LPP: variants seen among roughly 807,000 people sequenced by gnomAD.
LPP encodes LIM domain containing preferred translocation partner in lipoma, also known as lipoma-preferred partner.
Under a neutral mutation model 60.4 loss-of-function variants are expected in LPP, and 38 were observed. The observed-to-expected ratio is 0.63, with a 90% CI of 0.49 to 0.83. The LOEUF is 0.83. Ranked by LOEUF, LPP falls within the 40% of genes least tolerant of loss-of-function variation. LPP has a pLI of 0.00. For missense variants in LPP, 902 were observed against 783.6 expected (o/e 1.15, Z -1.80); for synonymous variants, 328 against 290.8 (o/e 1.13, Z -1.30).
At chr3:188,790,107 C>T (rs1743209817) in intron 9 of LPP, among the ~76,000 whole-genome samples, 1 of 152,064 alleles carries the variant, frequency 6.6e-6, no homozygotes, top group Non-Finnish European at 1.5e-5. Flanking sequence ...TTTCAGAATA[C>T]ACATTGCAAC....
At chr3:188,602,621 G>A (rs6780491) in intron 6 of LPP, among the ~76,000 whole-genome samples, 43,464 of 151,258 alleles carry the variant, frequency 0.29, 6,650 homozygotes, top group Non-Finnish European at 0.33. Context: ...GGATTTTTGA[G>A]AGTCAGAGTA....
intron 2 of LPP, among the ~76,000 whole-genome samples, chr3:188,256,095 C>G (rs1370015341): frequency 1.3e-5 from 2 of 152,036 alleles, no homozygotes; most frequent in Non-Finnish European, 2.9e-5. Context: ...ACTCCACCAA[C>G]TAATTGAAAT....
At chr3:188,537,580 C>T (rs1448985929) in intron 6 of LPP, among the ~76,000 whole-genome samples, 1 of 151,982 alleles carries the variant, frequency 6.6e-6, no homozygotes, top group Non-Finnish European at 1.5e-5. Flanking sequence ...AAGTCTCTGT[C>T]GATTTGTTCA....
chr3:188,179,667 T>G, intron 1 of LPP: 1 of 364,668 alleles, frequency 2.7e-6, no homozygotes, highest in Non-Finnish European at 5.4e-6. Context: ...TCAGCAAGCC[T>G]CTCTGCAGTC....
chr3:188,159,067 G>A (rs866122834), intron 1 of LPP, among the ~76,000 whole-genome samples: 1 of 152,156 alleles, frequency 6.6e-6, no homozygotes. Context: ...AACAGAGCTC[G>A]CTTCCCCAGT....
chr3:188,485,026 G>T (rs548315160), intron 5 of LPP, among the ~76,000 whole-genome samples: 8 of 152,178 alleles, frequency 5.3e-5, no homozygotes, highest in African/African-American at 1.9e-4. Context: ...TATTTTGGAG[G>T]ACATACAGCC....
At chr3:188,294,172 G>A (rs1399588022) in intron 2 of LPP, among the ~76,000 whole-genome samples, 2 of 151,368 alleles carry the variant, frequency 1.3e-5, no homozygotes, top group African/African-American at 4.9e-5. Context: ...GCGATAGAAA[G>A]TAGTGGTTGC....
chr3:188,843,909 C>T (rs898208182), intron 9 of LPP, among the ~76,000 whole-genome samples: 8 of 151,880 alleles, frequency 5.3e-5, no homozygotes, highest in Non-Finnish European at 1.0e-4. Context: ...TATTTCTGGT[C>T]CTCTTCCTCT....
chr3:188,632,772 T>C (rs907408508), intron 7 of LPP, among the ~76,000 whole-genome samples: 1 of 152,174 alleles, frequency 6.6e-6, no homozygotes, highest in African/African-American at 2.4e-5. Flanking sequence ...TATTCTTCAG[T>C]TGTATTTGGT....
At chr3:188,397,039 C>T (rs535020078) in intron 3 of LPP, among the ~76,000 whole-genome samples, 39 of 152,326 alleles carry the variant, frequency 2.6e-4, no homozygotes, top group African/African-American at 9.4e-4. Flanking sequence ...GGCCATTTAT[C>T]TTCTGTGCTA....
chr3:188,830,923 T>A (rs1756990578), intron 9 of LPP, among the ~76,000 whole-genome samples: 1 of 152,240 alleles, frequency 6.6e-6, no homozygotes, highest in Non-Finnish European at 1.5e-5. Context: ...CTTTGAGACT[T>A]GGAAATATTG....
At chr3:188,752,503 G>C (rs911158148) in intron 8 of LPP, among the ~76,000 whole-genome samples, 1 of 152,128 alleles carries the variant, frequency 6.6e-6, no homozygotes, top group African/African-American at 2.4e-5. Context: ...GCAAAACAGG[G>C]TTGTTTTTTG....
intron 1 of LPP, among the ~76,000 whole-genome samples, chr3:188,171,841 T>TAAA (rs1268448025): frequency 2.6e-5 from 4 of 152,230 alleles, no homozygotes; most frequent in Non-Finnish European, 5.9e-5. Context: ...AAGCTTATTT[T>TAAA]GCAGGCCTTG....
At chr3:188,373,370 T>A (rs1450124871) in intron 3 of LPP, among the ~76,000 whole-genome samples, 1 of 152,234 alleles carries the variant, frequency 6.6e-6, no homozygotes, top group African/African-American at 2.4e-5. Context: ...CAGCACCTGT[T>A]GTTTCCTGAC....
chr3:188,422,381 C>A lies in LPP; in HGVS notation c.193+16068C>A, dbSNP rs547938801. 8.5e-5 allele frequency among the ~76,000 whole-genome samples: 13 copies of A among 152,254 alleles called. No homozygotes were observed. The South Asian group carries it at 2.7e-3, about 32-fold the overall frequency. On this transcript the variant is annotated intron_variant, in intron 4 of 11. Coordinates refer to ENST00000617246, the MANE Select transcript of LPP (RefSeq NM_001375462.1). Reference sequence around the variant, plus strand: ...GAAATCATAAGCATTCAGTGGGGGCCTTTGAGCTTACATTAAATGCCTGCC... The same window carrying A: ...GAAATCATAAGCATTCAGTGGGGGCATTTGAGCTTACATTAAATGCCTGCC...
At chr3:188,705,422 A>G (rs1222174502) in intron 7 of LPP, among the ~76,000 whole-genome samples, 5 of 152,054 alleles carry the variant, frequency 3.3e-5, no homozygotes, top group African/African-American at 1.2e-4. Context: ...CCTCCTCTCA[A>G]ATATGGCTCC....
chr3:188,647,182 C>T (rs113713157), intron 7 of LPP, among the ~76,000 whole-genome samples: 2,615 of 152,346 alleles, frequency 0.017, 38 homozygotes, highest in Non-Finnish European at 0.028. Flanking sequence ...GGTGAACACA[C>T]TGCATTTCCC....
intron 9 of LPP, among the ~76,000 whole-genome samples, chr3:188,862,779 GAGAGAA>G (rs1208961958): frequency 4.8e-5 from 7 of 146,472 alleles, no homozygotes; most frequent in Admixed American, 2.1e-4. Context: ...AAGAGAGAGA[GAGAGAA>G]AGAAAGAAAG....
chr3:188,725,149 C>A (rs1717900244), intron 8 of LPP: 1 of 152,194 alleles, frequency 6.6e-6, no homozygotes, highest in Non-Finnish European at 1.5e-5. Context: ...TGCTGTGTCA[C>A]CTTGATTCTA....
Sources: gnomAD v4.1 joint callset for allele counts (sites outside exome capture counted in the v4.1 genomes callset) on GRCh38, gnomAD v4.1.1 for gene constraint, MANE v1.5 for transcripts, NCBI Gene and HGNC (gene_info 2026-07-23, HGNC 2026-07-21) for gene names.